The following GNA12 variants were observed in gnomAD, a reference collection of about 807,000 sequenced individuals.
The protein encoded by GNA12 is guanine nucleotide-binding protein subunit alpha-12.
In GNA12, 9 loss-of-function variants were observed where a neutral mutation model predicts 26.0. That is an observed-to-expected ratio of 0.35 (90% CI 0.21 to 0.60). The LOEUF is 0.60. GNA12 is among the 20% of genes least tolerant of loss of function. The pLI is 0.78. For missense variants in GNA12, 405 were observed against 525.8 expected, an observed-to-expected ratio of 0.77 and a Z score of 2.25; for synonymous variants, 264 against 219.6, an observed-to-expected ratio of 1.20 and a Z score of -1.79.
intron 2 of GNA12, among the ~76,000 whole-genome samples, chr7:2,772,650 AG>A (rs1462447282): frequency 1.3e-5 from 2 of 152,206 alleles, no homozygotes; most frequent in African/African-American, 4.8e-5. Context: ...GATACCCACC[AG>A]GAGGCTTAAA....
chr7:2,811,358 C>G (rs563060263), intron 1 of GNA12, among the ~76,000 whole-genome samples: 3 of 152,320 alleles, frequency 2.0e-5, no homozygotes, highest in Admixed American at 1.3e-4. Flanking sequence ...GCGGCTCACA[C>G]AGAAGACAAA....
chr7:2,789,159 G>A (rs1248394747), intron 2 of GNA12, among the ~76,000 whole-genome samples: 3 of 35,610 alleles, frequency 8.4e-5, no homozygotes, highest in African/African-American at 1.6e-4. Context: ...TTTTTGAGAC[G>A]GAGTCTCGCT....
Position 2,795,011 on chromosome 7 carries a change from G to T in GNA12, c.442C>A (p.Gln148Lys). 6.2e-7 allele frequency: 1 copy of T among 1,614,198 alleles called. No homozygotes were observed. Among genetic ancestry groups the T allele is most frequent in the Non-Finnish European group, 8.5e-7 (1 of 1,180,026 alleles). ...AGLPVEPATF[Q>K]LYVPALSALW... is the part of the protein sequence containing the mutation. Reference sequence around the variant, plus strand: ...GCGCTCAGGGCCGGGACGTACAGCTGGAAGGTGGCCGGCTCCACAGGCAGC... The same window carrying T: ...GCGCTCAGGGCCGGGACGTACAGCTTGAAGGTGGCCGGCTCCACAGGCAGC... The change falls in exon 2 of 4, where the codon CAG becomes AAG. Residue 148 changes from glutamine to lysine, a missense_variant. Gln to Lys is a moderately conservative substitution (Grantham distance 53, BLOSUM62 1). Transcript: ENST00000275364.
At chr7:2,740,394 T>C (rs1003719765) in intron 2 of GNA12, among the ~76,000 whole-genome samples, 12 of 152,132 alleles carry the variant, frequency 7.9e-5, no homozygotes, top group Non-Finnish European at 1.6e-4. Context: ...TCTCACTCCG[T>C]CCTATGTGAG....
At chr7:2,758,701 G>T (rs1791415888) in intron 2 of GNA12, among the ~76,000 whole-genome samples, 1 of 152,222 alleles carries the variant, frequency 6.6e-6, no homozygotes, top group Non-Finnish European at 1.5e-5. Context: ...TGCCTGTGTA[G>T]CAGCGTGCCC....
chr7:2,737,767 T>C (rs909480319), intron 2 of GNA12, among the ~76,000 whole-genome samples: 1 of 152,238 alleles, frequency 6.6e-6, no homozygotes, highest in African/African-American at 2.4e-5. Flanking sequence ...GTATGAAAAG[T>C]AACAGCAAAC....
chr7:2,733,056 A>G (rs551170249), intron 3 of GNA12, among the ~76,000 whole-genome samples: 1 of 152,352 alleles, frequency 6.6e-6, no homozygotes, highest in Non-Finnish European at 1.5e-5. Flanking sequence ...ACACTCTAAA[A>G]TATTCTCTGC....
rs112969872 is a variant in GNA12 at position 2,730,992 on chromosome 7, C to T, written c.*189G>A. On this transcript the variant is annotated 3_prime_UTR_variant, in exon 4 of 4. Transcript: ENST00000275364. ...CTCGCCCCCAGGATTCAGTAGCTAA[C>T]GTGACAGTTTCCATGTCCTTTTGCC... 2.2e-5 allele frequency: 12 copies of T among 534,204 alleles called. No homozygotes were observed. Among genetic ancestry groups the T allele is most frequent in the African/African-American group, 9.4e-5 (5 of 53,314 alleles). The allele number at this position is 534,204 out of a possible 1,614,324, so 33.1% of individuals were successfully genotyped here.
intron 2 of GNA12, among the ~76,000 whole-genome samples, chr7:2,773,400 TA>T (rs1203839192): frequency 6.6e-6 from 1 of 152,050 alleles, no homozygotes; most frequent in Non-Finnish European, 1.5e-5. Context: ...CCTTCTCTAC[TA>T]AAATACAAAA....
At chr7:2,833,162 TACAA>T (rs1778725938) in intron 1 of GNA12, among the ~76,000 whole-genome samples, 1 of 152,172 alleles carries the variant, frequency 6.6e-6, no homozygotes, top group African/African-American at 2.4e-5. Flanking sequence ...TTCTTTTAAG[TACAA>T]ACAAACCATA....
intron 2 of GNA12, among the ~76,000 whole-genome samples, chr7:2,748,555 C>T (rs1790876771): frequency 6.6e-6 from 1 of 151,984 alleles, no homozygotes; most frequent in Non-Finnish European, 1.5e-5. Context: ...ACCATAAAAA[C>T]CCTAGAAGAA....
At chr7:2,783,300 A>C (rs945033358) in intron 2 of GNA12, among the ~76,000 whole-genome samples, 2 of 152,178 alleles carry the variant, frequency 1.3e-5, no homozygotes, top group Admixed American at 1.3e-4. Context: ...AACTGGATCC[A>C]TCGCACAGGG....
intron 2 of GNA12, among the ~76,000 whole-genome samples, chr7:2,783,649 CATTTATTTATTTATTT>C (rs60404277): frequency 0.22 from 30,073 of 138,562 alleles, 3,896 homozygotes; most frequent in Non-Finnish European, 0.29. Flanking sequence ...GGCTGTAACA[CATTTATTTATTTATTT>C]ATTTATTTAT....
At chr7:2,782,574 G>C (rs767039042) in intron 2 of GNA12, among the ~76,000 whole-genome samples, 12 of 151,992 alleles carry the variant, frequency 7.9e-5, no homozygotes, top group Non-Finnish European at 1.6e-4. Context: ...GAAAGTTCAC[G>C]TCTACCTTTT....
intron 2 of GNA12, among the ~76,000 whole-genome samples, chr7:2,748,066 T>G (rs897172925): frequency 6.7e-6 from 1 of 150,142 alleles, no homozygotes; most frequent in Non-Finnish European, 1.5e-5. Context: ...ATCGATATCA[T>G]GAAAATGGCC....
intron 2 of GNA12, among the ~76,000 whole-genome samples, chr7:2,781,412 C>CTGTGTGTGTGTGTGTGTGTGTG (rs58348546): frequency 1.9e-4 from 28 of 143,722 alleles, no homozygotes; most frequent in Non-Finnish European, 3.0e-4. Flanking sequence ...AAGTAAGTGT[C>CTGTGTGTGTGTGTGTGTGTGTG]TGTGTGTGTG....
rs1562409543 is a variant in GNA12 at position 2,757,128 on chromosome 7, C to CTTT, written c.526-23628_526-23627insAAA. On this transcript the variant is annotated intron_variant, in intron 2 of 3. Coordinates refer to ENST00000275364, the MANE Select transcript of GNA12 (RefSeq NM_007353.3). ...GGCAGGCCCGATCTAATCAGGTGGG[C>CTTT]CTTTTTTTTTTTTTTTTTTTTTTTT... Among the ~76,000 whole-genome samples the CTTT allele has an allele frequency of 4.9e-3, 558 of 114,890 alleles. 8 individuals are homozygous for CTTT. Among genetic ancestry groups the CTTT allele is most frequent in the Non-Finnish European group, 6.6e-3 (372 of 56,464 alleles). The allele number at this position is 114,890 out of a possible 152,430, so 75.4% of individuals were successfully genotyped here. A position where few individuals can be genotyped will look rare whatever the true frequency, so the allele number is the denominator to read the frequency against.
chr7:2,766,488 C>T (rs573592974), intron 2 of GNA12, among the ~76,000 whole-genome samples: 9 of 151,276 alleles, frequency 5.9e-5, no homozygotes, highest in African/African-American at 1.2e-4. Flanking sequence ...CAGGTTCAAG[C>T]GATTTTCCTG....
chr7:2,743,488 T>C (rs539982115), intron 2 of GNA12, among the ~76,000 whole-genome samples: 2 of 152,304 alleles, frequency 1.3e-5, no homozygotes, highest in South Asian at 2.1e-4. Context: ...GCTATTATAA[T>C]TAGGCTCAAT....
Sources: allele counts gnomAD v4.1 joint callset (sites outside exome capture counted in the v4.1 genomes callset), GRCh38; gene constraint gnomAD v4.1.1; transcripts MANE v1.5; gene names NCBI Gene and HGNC (gene_info 2026-07-23, HGNC 2026-07-21).